The following ELP3 variants were observed in gnomAD, a reference collection of about 807,000 sequenced individuals.
ELP3 encodes the protein elongator acetyltransferase complex subunit 3.
A neutral mutation model predicts 74.9 loss-of-function variants in ELP3; 56 were observed. The observed-to-expected ratio is 0.75, with a 90% CI of 0.60 to 0.93. The LOEUF (loss-of-function observed/expected upper bound fraction) is 0.93. Ranked by LOEUF, ELP3 falls within the 40% of genes least tolerant of loss-of-function variation. The probability of loss-of-function intolerance (pLI) is 0.00; values close to 1 mark genes in which losing one functional copy is unlikely to be tolerated. For missense variants in ELP3, 573 were observed against 686.5 expected, an observed-to-expected ratio of 0.83 and a Z score of 1.85; for synonymous variants, 222 against 239.8, an observed-to-expected ratio of 0.93 and a Z score of 0.68.
At chr8:28,161,610 GAAAAA>G (rs1163846087) in intron 13 of ELP3, among the ~76,000 whole-genome samples, 1 of 60,606 alleles carries the variant, frequency 1.7e-5, no homozygotes, top group African/African-American at 5.4e-5. Flanking sequence ...CGTCTCAAGA[GAAAAA>G]AAAAAAAAAA....
rs149877611 is a variant in ELP3, at chr8:28,131,572, G to A, written c.780-706G>A. 2.8e-3 allele frequency among the ~76,000 whole-genome samples: 434 copies of A among 152,296 alleles called. 1 individual carries two copies. Among genetic ancestry groups the A allele is most frequent in the African/African-American group, 9.8e-3 (407 of 41,566 alleles). ...CTGTGGTTTCTAGGATCCTTCTGCC[G>A]TGAATGGGAACACCTTCGTGGCAGA... On this transcript the variant is annotated intron_variant, in intron 8 of 14. Transcript: ENST00000256398.
intron 7 of ELP3, among the ~76,000 whole-genome samples, chr8:28,125,808 A>G (rs936590474): frequency 1.0e-5 from 1 of 96,768 alleles, no homozygotes; most frequent in Non-Finnish European, 1.9e-5. Flanking sequence ...CCCCAGCTAG[A>G]TTGTTAAGCA....
In ELP3 at chr8:28,135,172, C is replaced by T. The variant is rs549540464; in HGVS notation, c.907-2526C>T. Among the ~76,000 whole-genome samples the T allele has an allele frequency of 7.2e-5, 11 of 152,312 alleles. No individual in the cohort carries two copies. The South Asian group carries it at 2.3e-3, about 32-fold the overall frequency. On this transcript the variant is annotated intron_variant, in intron 9 of 14. Transcript: ENST00000256398. Reference sequence around the variant, plus strand: ...CTCGAACTTCTGACCTCGTGATCCGCCCGCCTCTGCCTCCCAAAGTGCTGG... The same window carrying T: ...CTCGAACTTCTGACCTCGTGATCCGTCCGCCTCTGCCTCCCAAAGTGCTGG...
intron 10 of ELP3, among the ~76,000 whole-genome samples, chr8:28,149,818 C>A (rs2130518817): frequency 6.6e-6 from 1 of 152,292 alleles, no homozygotes; most frequent in South Asian, 2.1e-4. Context: ...TTCCTCTAAG[C>A]ACTGCTTTTG....
chr8:28,091,582 T>C (rs1156530418), upstream of ELP3, among the ~76,000 whole-genome samples: 2 of 152,190 alleles, frequency 1.3e-5, no homozygotes, highest in African/African-American at 2.4e-5. Context: ...CATATTCCTG[T>C]CTTTATTAAT....
At chr8:28,154,675 A>AT (rs1813762477) in intron 10 of ELP3, among the ~76,000 whole-genome samples, 1 of 152,172 alleles carries the variant, frequency 6.6e-6, no homozygotes, top group Non-Finnish European at 1.5e-5. Flanking sequence ...AATTAACCAT[A>AT]TTTTTTACTT....
At chr8:28,165,272 T>C (rs1418525529) in intron 14 of ELP3, among the ~76,000 whole-genome samples, 1 of 152,204 alleles carries the variant, frequency 6.6e-6, no homozygotes, top group Non-Finnish European at 1.5e-5. Context: ...AAATTGTAGG[T>C]GGGACCTTTT....
chr8:28,122,097 A>G (rs1254206940), intron 7 of ELP3, among the ~76,000 whole-genome samples: 1 of 152,134 alleles, frequency 6.6e-6, no homozygotes, highest in Non-Finnish European at 1.5e-5. Context: ...ATTTGGTAAT[A>G]TGGATCATTT....
At chr8:28,112,155 T>TA (rs1811942411) in intron 6 of ELP3, among the ~76,000 whole-genome samples, 2 of 152,186 alleles carry the variant, frequency 1.3e-5, no homozygotes, top group Middle Eastern at 3.4e-3. Flanking sequence ...TATTATTTTT[T>TA]TTTTTTTAAA....
chr8:28,098,437 G>A (rs1265608314), intron 2 of ELP3, among the ~76,000 whole-genome samples: 3 of 151,984 alleles, frequency 2.0e-5, no homozygotes, highest in Non-Finnish European at 2.9e-5. Context: ...TAAAGTTATT[G>A]TATTTTACTG....
intron 14 of ELP3, among the ~76,000 whole-genome samples, chr8:28,170,911 T>C (rs1275414511): frequency 6.6e-6 from 1 of 152,202 alleles, no homozygotes; most frequent in African/African-American, 2.4e-5. Flanking sequence ...TAATCTATTT[T>C]CTGTCTCTGT....
At chr8:28,130,601 G>C (rs1198138183) in intron 8 of ELP3, among the ~76,000 whole-genome samples, 1 of 152,198 alleles carries the variant, frequency 6.6e-6, no homozygotes, top group Admixed American at 6.5e-5. Context: ...TCTTATGTGG[G>C]AAAAGGCTTC....
chr8:28,092,087 ACT>A (rs766636205), upstream of ELP3, among the ~76,000 whole-genome samples: 17 of 151,928 alleles, frequency 1.1e-4, no homozygotes, highest in Non-Finnish European at 2.4e-4. Flanking sequence ...TAAGGTAAAG[ACT>A]CTGCCACTCA....
At chr8:28,111,946 A>G (rs1811933182) in intron 6 of ELP3, among the ~76,000 whole-genome samples, 1 of 152,202 alleles carries the variant, frequency 6.6e-6, no homozygotes, top group Non-Finnish European at 1.5e-5. Context: ...ATACAGAAAT[A>G]GAGTATTCTT....
In ELP3 at chr8:28,110,451, A is replaced by G; in HGVS notation, c.462+13A>G. On this transcript the variant is annotated intron_variant, in intron 6 of 14. Coordinates refer to ENST00000256398, the MANE Select transcript of ELP3 (RefSeq NM_018091.6). The stretch of plus-strand genomic sequence containing the variant: ...CCGAATAGAACAGGTACATTTTTAA[A>G]AAACATGTTTCTTAAAAATTAGGTG... 2 of 1,598,752 alleles carry G rather than the reference A, an allele frequency of 1.3e-6. No individual in the cohort carries two copies. Among genetic ancestry groups the G allele is most frequent in the Non-Finnish European group, 1.7e-6 (2 of 1,172,114 alleles).
intron 11 of ELP3, 92 bp downstream of exon 11, chr8:28,156,124 G>C (rs1813819555): frequency 1.0e-6 from 1 of 997,726 alleles, no homozygotes; most frequent in African/African-American, 1.6e-5. Flanking sequence ...CCTAAAACCA[G>C]ACTTGCGGGT....
chr8:28,157,430 A>G (rs1418687463), intron 11 of ELP3, among the ~76,000 whole-genome samples: 2 of 152,172 alleles, frequency 1.3e-5, no homozygotes, highest in Non-Finnish European at 2.9e-5. Flanking sequence ...AATTACAGAG[A>G]TTGATCATCT....
At chr8:28,171,207 T>C (rs1456798281) in intron 14 of ELP3, among the ~76,000 whole-genome samples, 1 of 152,194 alleles carries the variant, frequency 6.6e-6, no homozygotes, top group Non-Finnish European at 1.5e-5. Context: ...AGAAGTGTAA[T>C]TGCTGAGTCA....
At chr8:28,167,313 G>A (rs577428816) in intron 14 of ELP3, among the ~76,000 whole-genome samples, 2 of 152,300 alleles carry the variant, frequency 1.3e-5, no homozygotes, top group Admixed American at 1.3e-4. Flanking sequence ...GCAGTTAATG[G>A]TCTTGTTTGC....
Sources: gnomAD v4.1 joint callset for allele counts (sites outside exome capture counted in the v4.1 genomes callset) on GRCh38, gnomAD v4.1.1 for gene constraint, MANE v1.5 for transcripts, NCBI Gene and HGNC (gene_info 2026-07-23, HGNC 2026-07-21) for gene names.